The following ENPP1 variants were observed in gnomAD, a reference collection of about 807,000 sequenced individuals.
ENPP1 encodes the protein ectonucleotide pyrophosphatase/phosphodiesterase family member 1.
A neutral mutation model predicts 122.8 loss-of-function variants in ENPP1; 73 were observed. That is an observed-to-expected ratio of 0.59 (90% confidence interval 0.49 to 0.72). The LOEUF is 0.72. ENPP1 is among the 30% of genes least tolerant of loss of function. The pLI is 0.00. For missense variants in ENPP1, 978 were observed against 1,128.1 expected, an observed-to-expected ratio of 0.87 and a Z score of 1.91; for synonymous variants, 367 against 391.6, an observed-to-expected ratio of 0.94 and a Z score of 0.74.
At position 131,878,548 on chromosome 6, in the gene ENPP1, C is replaced by T. The variant is rs1462465227; in HGVS notation, c.1900C>T (p.Pro634Ser). 6.2e-7 allele frequency: 1 copy of T among 1,608,848 alleles called. No homozygotes were observed. The highest frequency in any genetic ancestry group is 1.7e-5 in the Admixed American group (1 of 59,968). ...LGCSCNPSILPIEDFQTQFNL... is the reference protein window; with the variant it reads ...LGCSCNPSILSIEDFQTQFNL... ...GTTTTATAACCTTTTTTAGATTTTGCCGATTGAGGATTTTCAAACACAGTT... is the reference window on the plus strand; with the variant it reads ...GTTTTATAACCTTTTTTAGATTTTGTCGATTGAGGATTTTCAAACACAGTT... Residue 634 changes from proline (P) to serine (S), a missense_variant, in exon 19 of 25, where the codon CCG becomes TCG. Pro to Ser is a moderately conservative substitution (Grantham distance 74). Around this residue, in one of 3 missense-constraint regions of ENPP1, gnomAD observed 644 missense variants for 781.5 expected, o/e 0.82. Coordinates refer to ENST00000647893, the MANE Select transcript of ENPP1 (RefSeq NM_006208.3).
intron 1 of ENPP1, among the ~76,000 whole-genome samples, chr6:131,822,970 A>G (rs1781500678): frequency 6.6e-6 from 1 of 152,228 alleles, no homozygotes; most frequent in South Asian, 2.1e-4. Context: ...ACACAATGAG[A>G]AAATATATAC....
chr6:131,848,370 C>T (rs1482582550), intron 2 of ENPP1, among the ~76,000 whole-genome samples: 1 of 152,094 alleles, frequency 6.6e-6, no homozygotes, highest in African/African-American at 2.4e-5. Context: ...TAAACTGGAT[C>T]ACAGTAAATC....
Position 131,890,250 on chromosome 6 carries a change from G to A in ENPP1, c.2608-91G>A, listed in dbSNP as rs192674298. ...CGTTCCACTTCAGAGCTGAAATCTC[G>A]TAAATGATTAAACTGGGGAGATGGA... On this transcript the variant is annotated intron_variant, in intron 24 of 24. Transcript: ENST00000647893. 267 of 1,048,158 alleles carry A rather than the reference G, an allele frequency of 2.5e-4. 4 individuals are homozygous for A. The highest frequency in any genetic ancestry group is 1.4e-3 in the Admixed American group (82 of 58,898). The allele number at this position is 1,048,158 out of a possible 1,614,324, so 64.9% of individuals were successfully genotyped here.
chr6:131,857,911 T>A (rs980972510), intron 6 of ENPP1, among the ~76,000 whole-genome samples: 2 of 152,202 alleles, frequency 1.3e-5, no homozygotes, highest in Admixed American at 1.3e-4. Flanking sequence ...GGTACCTGTA[T>A]ATGAAGTTTA....
At position 131,808,145 on chromosome 6, in the gene ENPP1, C is replaced by G; in HGVS notation, c.110C>G (p.Ala37Gly). Residue 37 changes from alanine (A) to glycine (G), a missense_variant, in exon 1 of 25, where the codon GCC (alanine) becomes GGC (glycine). Transcript: ENST00000647893. ...CGCGATCGGGGCCGCAGCCACGCTG[C>G]CGAGGCGCCCGGGGACCCGCAGGCG... ...NGRDRGRSHA[A>G]EAPGDPQAAA... 1 of 1,436,198 alleles carries G rather than the reference C, an allele frequency of 7.0e-7. No individual in the cohort carries two copies. Among genetic ancestry groups the G allele is most frequent in the Non-Finnish European group, 9.2e-7 (1 of 1,088,614 alleles). 89.0% of individuals were successfully genotyped at this position (1,436,198 alleles called of 1,614,324 possible).
At position 131,858,253 on chromosome 6, in the gene ENPP1, T is replaced by TA. The variant is rs200527356; in HGVS notation, c.716-414dup. Among the ~76,000 whole-genome samples, 1,311 of 152,336 alleles carry TA rather than the reference T, an allele frequency of 8.6e-3. 16 individuals are homozygous for TA. The highest frequency in any genetic ancestry group is 0.029 in the African/African-American group (1,198 of 41,560). ...GTCCAGGGTTAGCTGCTTCTAGATT[T>TA]ATGGCCTGGGACCCTGTCTTCCCAG... On this transcript the variant is annotated intron_variant, in intron 6 of 24. Coordinates refer to ENST00000647893, the MANE Select transcript of ENPP1 (RefSeq NM_006208.3).
At chr6:131,871,705 T>C (rs181385496) in intron 13 of ENPP1, among the ~76,000 whole-genome samples, 3 of 152,264 alleles carry the variant, frequency 2.0e-5, no homozygotes, top group African/African-American at 4.8e-5. Context: ...TGGATAGATA[T>C]TTTGAGGGAT....
At chr6:131,835,327 A>G (rs1170591790) in intron 1 of ENPP1, among the ~76,000 whole-genome samples, 3 of 152,200 alleles carry the variant, frequency 2.0e-5, no homozygotes, top group Admixed American at 6.5e-5. Context: ...AGTTACTGAT[A>G]GGAGTTTTCT....
chr6:131,887,091 C>T (rs113565997), intron 24 of ENPP1, among the ~76,000 whole-genome samples: 74 of 151,946 alleles, frequency 4.9e-4, no homozygotes, highest in African/African-American at 1.7e-3. Flanking sequence ...TACTAAAAAT[C>T]AGATCAGAAT....
intron 16 of ENPP1, 87 bp from the exon 17 acceptor site, chr6:131,875,689 A>G (rs1782223114): frequency 1.1e-6 from 1 of 931,278 alleles, no homozygotes; most frequent in Non-Finnish European, 1.8e-6. Flanking sequence ...ACCAGTTTGT[A>G]TATGTACAAT....
intron 1 of ENPP1, among the ~76,000 whole-genome samples, chr6:131,829,252 C>T (rs972314037): frequency 1.3e-5 from 2 of 152,246 alleles, no homozygotes; most frequent in Non-Finnish European, 2.9e-5. Context: ...CTGAACTAAA[C>T]TTTACAATTC....
At chr6:131,853,927 C>T (rs1388407481) in intron 5 of ENPP1, among the ~76,000 whole-genome samples, 1 of 152,076 alleles carries the variant, frequency 6.6e-6, no homozygotes, top group Non-Finnish European at 1.5e-5. Flanking sequence ...GGTTTTTGGC[C>T]TCCTTTTTGA....
Position 131,850,177 on chromosome 6 carries a change from C to T in ENPP1, c.430+71C>T. 7.5e-6 allele frequency: 8 copies of T among 1,066,878 alleles called. No homozygotes were observed. In the South Asian group the frequency reaches 1.0e-4, roughly 13 times the overall value. The allele number at this position is 1,066,878 out of a possible 1,614,324, so 66.1% of individuals were successfully genotyped here. Reference sequence around the variant, plus strand: ...AGATCAAGGAAAGTTCTGTGTCTTTCAGGTATGTGATTTACCTAATTCATT... The same window carrying T: ...AGATCAAGGAAAGTTCTGTGTCTTTTAGGTATGTGATTTACCTAATTCATT... On this transcript the variant is annotated intron_variant, in intron 3 of 24. Transcript: ENST00000647893.
At chr6:131,810,470 C>T (rs879367277) in intron 1 of ENPP1, among the ~76,000 whole-genome samples, 5 of 145,904 alleles carry the variant, frequency 3.4e-5, no homozygotes, top group Admixed American at 1.4e-4. Context: ...AAAACTTCCC[C>T]AAATAATGGG....
At chr6:131,859,755 C>CG (rs1379520582) in intron 7 of ENPP1, among the ~76,000 whole-genome samples, 1 of 152,056 alleles carries the variant, frequency 6.6e-6, no homozygotes, top group Non-Finnish European at 1.5e-5. Flanking sequence ...GAGTAGAGGG[C>CG]GGTGGTTGTC....
At chr6:131,825,865 T>C (rs567769285) in intron 1 of ENPP1, 2 of 265,790 alleles carry the variant, frequency 7.5e-6, no homozygotes, top group Non-Finnish European at 1.4e-5. Context: ...TTACTAATTT[T>C]TTTCATAATA....
chr6:131,831,142 A>AAAAAAAG (rs1562513494), intron 1 of ENPP1, among the ~76,000 whole-genome samples: 1 of 150,026 alleles, frequency 6.7e-6, no homozygotes, highest in Non-Finnish European at 1.5e-5. Context: ...AAAAAAGAAA[A>AAAAAAAG]GAAAATAGAT....
At position 131,893,691 on chromosome 6, in the gene ENPP1, C is replaced by T. The variant is rs1180710831; in HGVS notation, c.*3180C>T. On this transcript the variant is annotated 3_prime_UTR_variant, in exon 25 of 25. Coordinates refer to ENST00000647893, the MANE Select transcript of ENPP1 (RefSeq NM_006208.3). The stretch of plus-strand genomic sequence containing the variant: ...AGCACCCACATCTGCTCCTACTTAG[C>T]TTTTTTTCTGTGGTTCTTACACAGT... The T allele has an allele frequency of 6.6e-6, 1 of 152,144 alleles. No homozygotes were observed. The highest frequency in any genetic ancestry group is 1.5e-5 in the Non-Finnish European group (1 of 68,016). The allele number at this position is 152,144 out of a possible 1,614,324, so 9.4% of individuals were successfully genotyped here. A position where few individuals can be genotyped will look rare whatever the true frequency, so the allele number is the denominator to read the frequency against.
At position 131,828,426 on chromosome 6, in the gene ENPP1, TAGG is replaced by T. The variant is rs74783718; in HGVS notation, c.241-19345_241-19343del. On this transcript the variant is annotated intron_variant, in intron 1 of 24. Coordinates refer to ENST00000647893, the MANE Select transcript of ENPP1 (RefSeq NM_006208.3). The stretch of plus-strand genomic sequence containing the variant: ...TTAGTGTAATCATGACTTTCCCTTG[TAGG>T]AGGACAGAAATATAATGAAAAAATA... The T allele has an allele frequency of 0.012, 3,916 of 319,374 alleles. 217 individuals carry two copies. In the East Asian group the frequency reaches 0.14, roughly 11 times the overall value. 19.8% of individuals were successfully genotyped at this position (319,374 alleles called of 1,614,324 possible). A position where few individuals can be genotyped will look rare whatever the true frequency, so the allele number is the denominator to read the frequency against.
Sources: allele counts gnomAD v4.1 joint callset (sites outside exome capture counted in the v4.1 genomes callset), GRCh38; gene constraint gnomAD v4.1.1; regional missense constraint gnomAD v4.1.1; transcripts MANE v1.5; gene names NCBI Gene and HGNC (gene_info 2026-07-23, HGNC 2026-07-21).